Variants in AGBL1 observed in about 807,000 individuals in gnomAD.
AGBL1 encodes the protein AGBL carboxypeptidase 1.
Under a neutral mutation model 118.9 loss-of-function variants are expected in AGBL1, and 130 were observed. The observed-to-expected ratio is 1.09, with a 90% CI of 0.95 to 1.26. The LOEUF is 1.26. Ranked by LOEUF, AGBL1 falls within the 50% of genes most tolerant of loss-of-function variation. AGBL1 has a pLI of 0.00. For synonymous variants in AGBL1, 555 were observed against 478.9 expected (o/e 1.16, Z -2.08); for missense variants, 1,584 against 1,298.1 (o/e 1.22, Z -3.38).
At chr15:86,655,881 C>G (rs530587408) in intron 21 of AGBL1, among the ~76,000 whole-genome samples, 1 of 152,122 alleles carries the variant, frequency 6.6e-6, no homozygotes, top group African/African-American at 2.4e-5. Context: ...TACCACATTA[C>G]TATAGATGGT....
intron 17 of AGBL1, among the ~76,000 whole-genome samples, chr15:86,370,592 G>T (rs772922046): frequency 2.0e-5 from 3 of 152,138 alleles, no homozygotes; most frequent in Non-Finnish European, 4.4e-5. Flanking sequence ...ACTGTGCCTG[G>T]CCTGTTTCTA....
At chr15:86,802,171 A>AT (rs1290666774) in intron 22 of AGBL1, among the ~76,000 whole-genome samples, 1 of 151,962 alleles carries the variant, frequency 6.6e-6, no homozygotes, top group African/African-American at 2.4e-5. Context: ...GCAGCATTTT[A>AT]TTTTTCAAGT....
rs117131334 is a variant in AGBL1 at position 86,429,517 on chromosome 15, A to T, written c.2555+31971A>T. Among the ~76,000 whole-genome samples, 786 of 152,340 alleles carry T rather than the reference A, an allele frequency of 5.2e-3. 7 individuals are homozygous for T. The highest frequency in any genetic ancestry group is 8.6e-3 in the Non-Finnish European group (582 of 68,038). Reference sequence around the variant, plus strand: ...TTATAGCTGGACCCAGCAGACTCACAATGTAAATCTGACAGGTAGGGCAAC... The same window carrying T: ...TTATAGCTGGACCCAGCAGACTCACTATGTAAATCTGACAGGTAGGGCAAC... On this transcript the variant is annotated intron_variant, in intron 18 of 22. Transcript: ENST00000614907.
At chr15:86,809,741 C>T (rs896435653) in intron 22 of AGBL1, among the ~76,000 whole-genome samples, 9 of 152,090 alleles carry the variant, frequency 5.9e-5, no homozygotes, top group Admixed American at 2.0e-4. Flanking sequence ...AAATGAACAA[C>T]ATTTAAGAAC....
chr15:86,682,012 A>G (rs1002999687), intron 22 of AGBL1, among the ~76,000 whole-genome samples: 2 of 152,188 alleles, frequency 1.3e-5, no homozygotes, highest in Non-Finnish European at 2.9e-5. Context: ...TGTTTCCATC[A>G]ATTCCAAATT....
chr15:86,977,060 G>A (rs2081183380), intron 23 of AGBL1, among the ~76,000 whole-genome samples: 3 of 150,344 alleles, frequency 2.0e-5, no homozygotes, highest in African/African-American at 7.5e-5. Context: ...ATCTTTTATT[G>A]TTCTCTTCAG....
At chr15:86,970,482 G>C (rs1221818055) in intron 23 of AGBL1, among the ~76,000 whole-genome samples, 2 of 151,844 alleles carry the variant, frequency 1.3e-5, no homozygotes, top group Non-Finnish European at 2.9e-5. Flanking sequence ...GTTTTACTAA[G>C]GCAGAAACTC....
At chr15:86,333,205 T>A (rs987707836) in intron 17 of AGBL1, among the ~76,000 whole-genome samples, 1 of 152,122 alleles carries the variant, frequency 6.6e-6, no homozygotes, top group African/African-American at 2.4e-5. Flanking sequence ...CTGAACAAAA[T>A]TGAGACTCCA....
chr15:86,883,865 G>T (rs1031536111), intron 22 of AGBL1, among the ~76,000 whole-genome samples: 1 of 152,256 alleles, frequency 6.6e-6, no homozygotes, highest in Non-Finnish European at 1.5e-5. Context: ...TATGGCCTAG[G>T]CACACTGGGT....
intron 23 of AGBL1, among the ~76,000 whole-genome samples, chr15:86,924,871 TG>T (rs1381573350): frequency 6.6e-6 from 1 of 151,876 alleles, no homozygotes; most frequent in Non-Finnish European, 1.5e-5. Context: ...GTCAGGAGAT[TG>T]AGACCATCCT....
At chr15:86,225,562 A>AT (rs1567138814) in intron 6 of AGBL1, among the ~76,000 whole-genome samples, 5 of 152,194 alleles carry the variant, frequency 3.3e-5, no homozygotes, top group South Asian at 2.1e-4. Context: ...TAATTTGAGG[A>AT]ATTTTTTGCC....
chr15:86,724,023 C>T (rs1468100900), intron 22 of AGBL1, among the ~76,000 whole-genome samples: 1 of 151,942 alleles, frequency 6.6e-6, no homozygotes, highest in East Asian at 1.9e-4. Context: ...ATCACGAGGT[C>T]AGGAGATCGA....
At chr15:86,808,963 A>G (rs1294552844) in intron 22 of AGBL1, among the ~76,000 whole-genome samples, 4 of 152,156 alleles carry the variant, frequency 2.6e-5, no homozygotes, top group Admixed American at 2.0e-4. Flanking sequence ...ATAATGTGTG[A>G]GATACTGATG....
intron 7 of AGBL1, among the ~76,000 whole-genome samples, chr15:86,250,992 G>A (rs909467000): frequency 6.6e-6 from 1 of 152,224 alleles, no homozygotes; most frequent in East Asian, 1.9e-4. Flanking sequence ...AGCAGCAGCA[G>A]CAGAGGGAGG....
intron 21 of AGBL1, among the ~76,000 whole-genome samples, chr15:86,656,889 G>T (rs1207313739): frequency 6.6e-6 from 1 of 152,154 alleles, no homozygotes; most frequent in Non-Finnish European, 1.5e-5. Flanking sequence ...GGTTTGAAAT[G>T]CAAATAAACT....
chr15:86,369,673 C>G (rs2080943146), intron 17 of AGBL1, among the ~76,000 whole-genome samples: 4 of 152,172 alleles, frequency 2.6e-5, no homozygotes, highest in Admixed American at 6.5e-5. Flanking sequence ...TAACAAGAGA[C>G]ATACTTAAGA....
intron 22 of AGBL1, among the ~76,000 whole-genome samples, chr15:86,817,575 G>GACAC (rs61414348): frequency 0.19 from 24,766 of 130,506 alleles, 2,801 homozygotes; most frequent in East Asian, 0.41. Flanking sequence ...GAAAGAGACA[G>GACAC]ACACACACAC....
At chr15:86,637,342 G>A (rs2085113782) in intron 21 of AGBL1, among the ~76,000 whole-genome samples, 1 of 152,104 alleles carries the variant, frequency 6.6e-6, no homozygotes, top group Non-Finnish European at 1.5e-5. Flanking sequence ...CCTGGGTGAA[G>A]GAGGATAACG....
At chr15:86,425,588 G>C (rs896853137) in intron 18 of AGBL1, among the ~76,000 whole-genome samples, 1 of 152,116 alleles carries the variant, frequency 6.6e-6, no homozygotes, top group African/African-American at 2.4e-5. Context: ...TGGGAAGCAA[G>C]TTAAAGTCAA....
Sources: gnomAD v4.1 joint callset for allele counts (sites outside exome capture counted in the v4.1 genomes callset) on GRCh38, gnomAD v4.1.1 for gene constraint, MANE v1.5 for transcripts, NCBI Gene and HGNC (gene_info 2026-07-23, HGNC 2026-07-21) for gene names.